Variants in USP39 observed in about 807,000 individuals in gnomAD.
USP39 encodes ubiquitin carboxyl-terminal hydrolase 39.
A neutral mutation model predicts 66.4 loss-of-function variants in USP39; 38 were observed. The ratio of observed to expected loss-of-function variants is 0.57; its 90% CI spans 0.44 to 0.75. The LOEUF (loss-of-function observed/expected upper bound fraction) is 0.75, where lower values mean the gene tolerates loss of function less well. Ranked by LOEUF, USP39 falls within the 30% of genes least tolerant of loss-of-function variation. The pLI is 0.00. For synonymous variants in USP39, 303 were observed against 274.6 expected, an observed-to-expected ratio of 1.10 and a Z score of -1.02; for missense variants, 608 against 714.4, an observed-to-expected ratio of 0.85 and a Z score of 1.70.
upstream of USP39, chr2:85,609,049 C>G (rs767273605): frequency 5.6e-6 from 9 of 1,614,234 alleles, no homozygotes; most frequent in South Asian, 9.9e-5. Context: ...TTCTCACTCA[C>G]CTTTCCTGGG....
intron 1 of USP39, among the ~76,000 whole-genome samples, chr2:85,618,737 C>T (rs1174190640): frequency 6.6e-6 from 1 of 151,660 alleles, no homozygotes; most frequent in Non-Finnish European, 1.5e-5. Flanking sequence ...TATATTCTCC[C>T]AGTTTGTGGC....
At chr2:85,645,257 C>T in intron 11 of USP39, 174 bp downstream of exon 11, 1 of 675,138 alleles carries the variant, frequency 1.5e-6, no homozygotes, top group Non-Finnish European at 2.3e-6. Flanking sequence ...TTTGGCTACA[C>T]ATTGGACTCA....
chr2:85,643,649 T>C lies in USP39; in HGVS notation c.1428-1299T>C, dbSNP rs1366268845. ...ACATGGACTCAGGACTCATATCTCC[T>C]TTTTTTTTTTTTTTTGGAGATGGAG... is the stretch of plus-strand genomic sequence containing the variant. On this transcript the variant is annotated intron_variant, in intron 10 of 12. Transcript: ENST00000323701. Among the ~76,000 whole-genome samples the C allele has an allele frequency of 1.3e-4, 6 of 46,040 alleles. No individual in the cohort carries two copies. The East Asian group carries it at 2.2e-3, about 17-fold the overall frequency. The allele number at this position is 46,040 out of a possible 152,430, so 30.2% of individuals were successfully genotyped here. A position where few individuals can be genotyped will look rare whatever the true frequency, so the allele number is the denominator to read the frequency against.
upstream of USP39, chr2:85,612,336 C>T: frequency 1.3e-6 from 2 of 1,536,100 alleles, no homozygotes; most frequent in Non-Finnish European, 1.7e-6. Flanking sequence ...ATGCTTACGG[C>T]GGTGCCTTCC....
chr2:85,617,026 A>G (rs1052699716), intron 1 of USP39, among the ~76,000 whole-genome samples: 7 of 147,850 alleles, frequency 4.7e-5, no homozygotes, highest in African/African-American at 1.5e-4. Context: ...AATCGTAACA[A>G]CAGCAGCTTC....
At chr2:85,625,931 T>G (rs750577226) in intron 5 of USP39, among the ~76,000 whole-genome samples, 2 of 151,612 alleles carry the variant, frequency 1.3e-5, no homozygotes, top group Non-Finnish European at 2.9e-5. Flanking sequence ...GGTGGGAGAA[T>G]CGCTTGAATC....
chr2:85,627,963 T>C (rs1389040738), intron 5 of USP39, among the ~76,000 whole-genome samples: 1 of 152,188 alleles, frequency 6.6e-6, no homozygotes, highest in African/African-American at 2.4e-5. Context: ...CTAGTTCTTA[T>C]TTGGCCTTTA....
chr2:85,620,253 G>A (rs1470134647), intron 2 of USP39, among the ~76,000 whole-genome samples: 2 of 152,014 alleles, frequency 1.3e-5, no homozygotes, highest in East Asian at 3.9e-4. Flanking sequence ...GGCTGAGGCA[G>A]GCAGATTGCT....
At chr2:85,639,168 C>T (rs1676032773) in intron 8 of USP39, 35 bp from the exon 9 acceptor site, 3 of 1,590,020 alleles carry the variant, frequency 1.9e-6, no homozygotes, top group African/African-American at 1.3e-5. Context: ...ACCCGTCACA[C>T]TCCTTTCCTC....
rs1203062033 is a variant in USP39, at chr2:85,626,720, CT to C, written c.723+1044del. Among the ~76,000 whole-genome samples the C allele has an allele frequency of 8.4e-3, 1,185 of 141,624 alleles. 35 individuals are homozygous for C. Among genetic ancestry groups the C allele is most frequent in the Admixed American group, 0.06 (851 of 14,118 alleles). The allele number at this position is 141,624 out of a possible 152,430, so 92.9% of individuals were successfully genotyped here. A position where few individuals can be genotyped will look rare whatever the true frequency, so the allele number is the denominator to read the frequency against. On this transcript the variant is annotated intron_variant, in intron 5 of 12. Transcript: ENST00000323701. ...CAGAAAACCAAAGCTGTCCTATTTTCTTTTTTTTTTTTTTTGAGACGGAGTC... is the reference window on the plus strand; with the variant it reads ...CAGAAAACCAAAGCTGTCCTATTTTCTTTTTTTTTTTTTTGAGACGGAGTC...
chr2:85,602,990 A>G lies in USP39; in HGVS notation n.135A>G, dbSNP rs1673062616. 1 of 152,314 alleles carries G rather than the reference A, an allele frequency of 6.6e-6. No homozygotes were observed. The highest frequency in any genetic ancestry group is 6.5e-5 in the Admixed American group (1 of 15,282). The allele number at this position is 152,314 out of a possible 1,614,324, so 9.4% of individuals were successfully genotyped here. On this transcript the variant is annotated non_coding_transcript_exon_variant, in exon 1 of 13. Coordinates refer to the USP39 transcript ENST00000459775. This position sits in a 1 kb window ranked among gnomAD's most constrained non-coding sequence, Gnocchi z 5.6. ...AGGTGGGGATCTCGGGGCAGCCTGC[A>G]TTCCAGCTCTACCTGGGATTGTCGC... is the stretch of plus-strand genomic sequence containing the variant.
chr2:85,612,097 C>T, upstream of USP39: 2 of 1,001,298 alleles, frequency 2.0e-6, no homozygotes, highest in Non-Finnish European at 2.8e-6. Context: ...TCCTGACTTC[C>T]GGTCTGGGAG....
At chr2:85,611,511 C>T (rs1673524757), upstream of USP39, 10 of 1,550,936 alleles carry the variant, frequency 6.4e-6, no homozygotes, top group Non-Finnish European at 8.7e-6. Context: ...TGGTGAGAAT[C>T]ATTCAGCGGA....
At chr2:85,623,072 T>C (rs1001711729) in intron 3 of USP39, among the ~76,000 whole-genome samples, 2 of 152,144 alleles carry the variant, frequency 1.3e-5, no homozygotes, top group South Asian at 2.1e-4. Context: ...GTTGAGTTCA[T>C]GGAAGAGCTG....
At chr2:85,608,985 C>T (rs755094987), upstream of USP39, 57 of 1,614,210 alleles carry the variant, frequency 3.5e-5, no homozygotes, top group Admixed American at 5.8e-4. Flanking sequence ...CTCCTGGATA[C>T]GCAACTTGAG....
upstream of USP39, among the ~76,000 whole-genome samples, chr2:85,614,979 A>AGTGTGGTGTGGTGTGGTGTG (rs146502279): frequency 7.1e-3 from 1,025 of 145,058 alleles, 13 homozygotes; most frequent in African/African-American, 0.02. Flanking sequence ...AATTGCACAC[A>AGTGTGGTGTGGTGTGGTGTG]GTGTGGTGTG....
At chr2:85,603,833 T>A (rs912020737) in intron 1 of USP39, among the ~76,000 whole-genome samples, 2 of 152,168 alleles carry the variant, frequency 1.3e-5, no homozygotes, top group African/African-American at 4.8e-5. Flanking sequence ...GACCTCGTGA[T>A]CCGCCCGCCT....
At chr2:85,609,669 C>T (rs577500833), upstream of USP39, 32 of 1,529,330 alleles carry the variant, frequency 2.1e-5, no homozygotes, top group South Asian at 1.2e-4. Flanking sequence ...GGAAAATATA[C>T]GGTTAGGAAA....
chr2:85,633,822 G>A (rs7580358), intron 6 of USP39, among the ~76,000 whole-genome samples: 9,310 of 145,640 alleles, frequency 0.064, 1,086 homozygotes, highest in African/African-American at 0.23. Flanking sequence ...AGGGGACGTC[G>A]AGTAGTGGCT....
Sources: allele counts gnomAD v4.1 joint callset (sites outside exome capture counted in the v4.1 genomes callset), GRCh38; gene constraint gnomAD v4.1.1; non-coding constraint Gnocchi (gnomAD v3.1); transcripts MANE v1.5; gene names NCBI Gene and HGNC (gene_info 2026-07-23, HGNC 2026-07-21).